CATSPERT: variants seen among roughly 807,000 people sequenced by gnomAD.
The protein encoded by CATSPERT is cation channel sperm-associated targeting subunit tau.
At chr2:201,495,854 T>C in the CATSPERT span, 5 of 1,303,282 alleles carry the variant, frequency 3.8e-6, no homozygotes, top group Non-Finnish European at 4.3e-6. Context: ...AACCTAGTAA[T>C]TAAGTATAAT....
At chr2:201,612,376 C>T in the CATSPERT span, among the ~76,000 whole-genome samples, 2 of 152,088 alleles carry the variant, frequency 1.3e-5, no homozygotes, top group African/African-American at 4.8e-5. Flanking sequence ...GAGTTCAAGT[C>T]CAGCATGATC....
At chr2:201,593,593 T>C in the CATSPERT span, among the ~76,000 whole-genome samples, 1 of 129,124 alleles carries the variant, frequency 7.7e-6, no homozygotes, top group African/African-American at 2.9e-5. Context: ...AAGTTTCCCA[T>C]TATTAATGTG....
the CATSPERT span, among the ~76,000 whole-genome samples, chr2:201,506,123 T>G: frequency 6.6e-6 from 1 of 151,838 alleles, no homozygotes; most frequent in African/African-American, 2.4e-5. Flanking sequence ...AAAAATTAGC[T>G]GGGGGCGGTG....
the CATSPERT span, chr2:201,547,577 C>A: frequency 6.5e-7 from 1 of 1,541,994 alleles, no homozygotes; most frequent in Non-Finnish European, 8.8e-7. Flanking sequence ...TCCATGTATT[C>A]AGATTTCTAT....
At chr2:201,581,477 AATATATATATATATATATAT>A in the CATSPERT span, among the ~76,000 whole-genome samples, 110 of 14,858 alleles carry the variant, frequency 7.4e-3, 2 homozygotes, top group African/African-American at 0.028. Flanking sequence ...CACATTCCGG[AATATATATATATATATATAT>A]ATATATATAT....
the CATSPERT span, among the ~76,000 whole-genome samples, chr2:201,563,121 T>C: frequency 9.7e-3 from 1,119 of 115,610 alleles, 3 homozygotes; most frequent in African/African-American, 0.015. Flanking sequence ...ACCTCCCGGA[T>C]GGGGCGGCTG....
At chr2:201,569,775 G>A in the CATSPERT span, among the ~76,000 whole-genome samples, 2 of 152,014 alleles carry the variant, frequency 1.3e-5, no homozygotes, top group African/African-American at 2.4e-5. Context: ...TACATTAATC[G>A]AGCATTTCTA....
chr2:201,549,571 T>C, the CATSPERT span: 1 of 152,158 alleles, frequency 6.6e-6, no homozygotes, highest in Non-Finnish European at 1.5e-5. Flanking sequence ...AGCAAGATAC[T>C]AGTAAAAATG....
At chr2:201,563,742 A>G in the CATSPERT span, among the ~76,000 whole-genome samples, 72,944 of 152,062 alleles carry the variant, frequency 0.48, 17,933 homozygotes, top group East Asian at 0.75. Context: ...TGATCACTGT[A>G]ATTCTGAGCT....
chr2:201,531,727 A>G, the CATSPERT span, among the ~76,000 whole-genome samples: 1 of 152,304 alleles, frequency 6.6e-6, no homozygotes, highest in Non-Finnish European at 1.5e-5. Context: ...AAAGAGCTTG[A>G]GGCTGGAATA....
the CATSPERT span, among the ~76,000 whole-genome samples, chr2:201,607,236 G>T: frequency 6.6e-6 from 1 of 152,250 alleles, no homozygotes; most frequent in Middle Eastern, 3.4e-3. Flanking sequence ...TTTTGCTTCT[G>T]CCCTCTCTGG....
the CATSPERT span, among the ~76,000 whole-genome samples, chr2:201,615,513 G>A: frequency 9.9e-5 from 15 of 152,112 alleles, no homozygotes; most frequent in Middle Eastern, 3.2e-3. Flanking sequence ...ACCAATGAGA[G>A]CAAAGACACA....
chr2:201,535,006 G>A, the CATSPERT span: 1 of 516,968 alleles, frequency 1.9e-6, no homozygotes, highest in African/African-American at 2.1e-5. Flanking sequence ...AAATAAAATT[G>A]TTAAATCTAG....
the CATSPERT span, among the ~76,000 whole-genome samples, chr2:201,545,911 C>G: frequency 6.6e-6 from 1 of 152,008 alleles, no homozygotes; most frequent in East Asian, 1.9e-4. Context: ...ATGAATATTA[C>G]AAGATAAATT....
chr2:201,616,713 T>A, the CATSPERT span, among the ~76,000 whole-genome samples: 2 of 152,154 alleles, frequency 1.3e-5, no homozygotes, highest in Non-Finnish European at 2.9e-5. Context: ...GCCAGGGCAG[T>A]CAGGCAAGGG....
At chr2:201,541,531 TTATATATATATA>T in the CATSPERT span, among the ~76,000 whole-genome samples, 18,237 of 92,090 alleles carry the variant, frequency 0.2, 2,018 homozygotes, top group Admixed American at 0.21. Flanking sequence ...TCAGATGATT[TTATATATATATA>T]TATATATATA....
chr2:201,522,400 A>C, the CATSPERT span, among the ~76,000 whole-genome samples: 11 of 152,242 alleles, frequency 7.2e-5, no homozygotes, highest in African/African-American at 2.4e-4. Flanking sequence ...TCACCAAGAT[A>C]AGATCATCAA....
chr2:201,574,120 C>A, the CATSPERT span: 1 of 910,348 alleles, frequency 1.1e-6, no homozygotes, highest in Non-Finnish European at 1.6e-6. Context: ...TTATTTTAAA[C>A]AATTGTTCAA....
chr2:201,491,734 T>C, the CATSPERT span: 6 of 1,537,008 alleles, frequency 3.9e-6, no homozygotes, highest in South Asian at 2.4e-5. Flanking sequence ...AGTCCATTTA[T>C]AGATGTTTAC....
Sources: allele counts gnomAD v4.1 joint callset (sites outside exome capture counted in the v4.1 genomes callset), GRCh38; gene constraint gnomAD v4.1.1; transcripts MANE v1.5; gene names NCBI Gene and HGNC (gene_info 2026-07-23, HGNC 2026-07-21).